Variants in NHSL1 observed in about 807,000 individuals in gnomAD.
The protein encoded by NHSL1 is NHS-like protein 1.
NHSL1 carries 48 observed loss-of-function variants against 95.0 expected under a neutral mutation model. That is an observed-to-expected ratio of 0.51 (90% CI 0.40 to 0.64). The LOEUF (loss-of-function observed/expected upper bound fraction) is 0.64, where lower values mean the gene tolerates loss of function less well. NHSL1 is among the 30% of genes least tolerant of loss of function. The pLI is 0.00. For missense variants in NHSL1, 1,971 were observed against 2,077.7 expected (o/e 0.95, Z 1.00); for synonymous variants, 783 against 833.9 (o/e 0.94, Z 1.05).
intron 4 of NHSL1, among the ~76,000 whole-genome samples, chr6:138,445,642 G>T (rs1776817522): frequency 6.6e-6 from 1 of 151,954 alleles, no homozygotes; most frequent in African/African-American, 2.4e-5. Flanking sequence ...TATCTGGTAA[G>T]GTTTTAAAAA....
In NHSL1 at chr6:138,663,217, G is replaced by T. The variant is rs78943151; in HGVS notation, c.96+29259C>A. ...TACGACATTTACTTGAAAAAAGCAA[G>T]TAACAAAACAGCATATATGGTATGC... On this transcript the variant is annotated intron_variant, in intron 1 of 3. Transcript: ENST00000491526. Among the ~76,000 whole-genome samples, 675 of 152,226 alleles carry T rather than the reference G, an allele frequency of 4.4e-3. 12 individuals carry two copies. In the East Asian group the frequency reaches 0.074, roughly 17 times the overall value.
At chr6:138,540,397 C>T (rs1043820493) in intron 1 of NHSL1, among the ~76,000 whole-genome samples, 2 of 152,196 alleles carry the variant, frequency 1.3e-5, no homozygotes, top group African/African-American at 4.8e-5. Flanking sequence ...TATCTGATAG[C>T]TTATTACCAG....
chr6:138,429,301 A>C (rs1345785759), intron 7 of NHSL1, among the ~76,000 whole-genome samples: 1 of 152,180 alleles, frequency 6.6e-6, no homozygotes, highest in Non-Finnish European at 1.5e-5. Context: ...AATAAACTAA[A>C]ACATCTTTAG....
At chr6:138,550,247 A>T (rs1055021834), upstream of NHSL1, among the ~76,000 whole-genome samples, 16 of 152,164 alleles carry the variant, frequency 1.1e-4, no homozygotes, top group Admixed American at 2.0e-4. Context: ...TCCAAAAAAA[A>T]AATAATAAAA....
At chr6:138,426,305 C>A (rs1022615528) in intron 7 of NHSL1, among the ~76,000 whole-genome samples, 1 of 152,190 alleles carries the variant, frequency 6.6e-6, no homozygotes, top group Non-Finnish European at 1.5e-5. Flanking sequence ...CGCTGTGTGA[C>A]CTGGGACAAA....
In NHSL1 at chr6:138,450,013, T is replaced by C. The variant is rs74646439; in HGVS notation, c.340-2820A>G. Among the ~76,000 whole-genome samples, 1,371 of 152,334 alleles carry C rather than the reference T, an allele frequency of 9.0e-3. 21 individuals are homozygous for C. The highest frequency in any genetic ancestry group is 0.031 in the African/African-American group (1,307 of 41,566). On this transcript the variant is annotated intron_variant, in intron 3 of 7. Coordinates refer to ENST00000343505, the MANE Select transcript of NHSL1 (RefSeq NM_001144060.2). ...TACTAAATTGCACTATATCCATTGA[T>C]ACTTGATCTGATTCTGGTTAAAAGG...
At chr6:138,488,543 A>C (rs1369956794) in intron 2 of NHSL1, among the ~76,000 whole-genome samples, 1 of 152,226 alleles carries the variant, frequency 6.6e-6, no homozygotes, top group Non-Finnish European at 1.5e-5. Context: ...AGATGAAAGA[A>C]TGGTTATAGA....
chr6:138,435,632 T>G (rs1776029182), intron 5 of NHSL1, among the ~76,000 whole-genome samples: 1 of 152,074 alleles, frequency 6.6e-6, no homozygotes, highest in Admixed American at 6.5e-5. Context: ...TTTCAGAATA[T>G]GATAGGAAAC....
Position 138,499,458 on chromosome 6 carries a change from G to A in NHSL1, c.-168C>T, listed in dbSNP as rs1583309722. On this transcript the variant is annotated 5_prime_UTR_variant, in exon 1 of 8. Transcript: ENST00000343505. The stretch of plus-strand genomic sequence containing the variant: ...TGATGTAACTGAGGTTGAGTTTATT[G>A]TCAGGCAGTTACAAACCATTAACAG... 2 of 1,391,754 alleles carry A rather than the reference G, an allele frequency of 1.4e-6. No individual in the cohort carries two copies. Among genetic ancestry groups the A allele is most frequent in the Non-Finnish European group, 9.4e-7 (1 of 1,062,874 alleles). The allele number at this position is 1,391,754 out of a possible 1,614,324, so 86.2% of individuals were successfully genotyped here. A position where few individuals can be genotyped will look rare whatever the true frequency, so the allele number is the denominator to read the frequency against.
At chr6:138,594,508 C>G (rs935816861) in intron 1 of NHSL1, among the ~76,000 whole-genome samples, 7 of 152,086 alleles carry the variant, frequency 4.6e-5, no homozygotes, top group Non-Finnish European at 8.8e-5. Context: ...TTGTCTATTT[C>G]AATGTTTTTT....
chr6:138,563,389 C>A (rs929728670), intron 1 of NHSL1, among the ~76,000 whole-genome samples: 4 of 152,110 alleles, frequency 2.6e-5, no homozygotes, highest in Non-Finnish European at 5.9e-5. Flanking sequence ...TGAAGGATTA[C>A]GTAAAGGAAG....
At chr6:138,651,815 C>T (rs1785096617) in intron 1 of NHSL1, among the ~76,000 whole-genome samples, 1 of 151,960 alleles carries the variant, frequency 6.6e-6, no homozygotes, top group Admixed American at 6.6e-5. Context: ...CAGATTATGA[C>T]CAAACATAAA....
chr6:138,436,708 G>T (rs1337435385), intron 5 of NHSL1, among the ~76,000 whole-genome samples: 1 of 152,246 alleles, frequency 6.6e-6, no homozygotes, highest in African/African-American at 2.4e-5. Context: ...AAGAGGAGGA[G>T]TCAATGCCTG....
At chr6:138,553,708 A>G (rs1200651218) in intron 1 of NHSL1, among the ~76,000 whole-genome samples, 3 of 152,242 alleles carry the variant, frequency 2.0e-5, no homozygotes, top group African/African-American at 7.2e-5. Context: ...TTCCCTACAC[A>G]TGACGGTATT....
chr6:138,499,544 C>A (rs574139762), upstream of NHSL1: 264 of 629,150 alleles, frequency 4.2e-4, 4 homozygotes, highest in South Asian at 9.3e-3. Context: ...CAGCCAGTGA[C>A]ATCGTGCGCT....
At chr6:138,581,265 G>A (rs1006830059) in intron 1 of NHSL1, among the ~76,000 whole-genome samples, 1 of 152,062 alleles carries the variant, frequency 6.6e-6, no homozygotes, top group Admixed American at 6.5e-5. Flanking sequence ...TTTTGCACTC[G>A]TACTTTTCAA....
intron 1 of NHSL1, among the ~76,000 whole-genome samples, chr6:138,543,128 C>A (rs894944155): frequency 6.6e-6 from 1 of 152,084 alleles, no homozygotes; most frequent in African/African-American, 2.4e-5. Flanking sequence ...TCATATTATT[C>A]GCTATTAATC....
chr6:138,545,480 T>G (rs1173674580), intron 1 of NHSL1: 2 of 496,326 alleles, frequency 4.0e-6, no homozygotes, highest in Non-Finnish European at 3.4e-6. Flanking sequence ...AAAAGAACAA[T>G]GACTTTTTCA....
At chr6:138,495,759 A>G (rs59142410) in intron 2 of NHSL1, among the ~76,000 whole-genome samples, 3,136 of 152,338 alleles carry the variant, frequency 0.021, 51 homozygotes, top group South Asian at 0.077. Context: ...TGGGAAATTT[A>G]TAAAGAAAAA....
Sources: gnomAD v4.1 joint callset for allele counts (sites outside exome capture counted in the v4.1 genomes callset) on GRCh38, gnomAD v4.1.1 for gene constraint, MANE v1.5 for transcripts, NCBI Gene and HGNC (gene_info 2026-07-23, HGNC 2026-07-21) for gene names.